The following KLHDC4 variants were observed in gnomAD, a reference collection of about 807,000 sequenced individuals.
KLHDC4 encodes the protein kelch domain containing 4, also known as kelch domain-containing protein 4.
KLHDC4 carries 90 observed loss-of-function variants against 62.4 expected under a neutral mutation model. That is an observed-to-expected ratio of 1.44 (90% CI 1.22 to 1.72). KLHDC4 has a LOEUF of 1.72. Ranked by LOEUF, KLHDC4 falls within the 40% of genes most tolerant of loss-of-function variation. KLHDC4 has a pLI of 0.00. For synonymous variants in KLHDC4, 386 were observed against 284.4 expected, an observed-to-expected ratio of 1.36 and a Z score of -3.59; for missense variants, 1,025 against 699.7, an observed-to-expected ratio of 1.47 and a Z score of -5.25.
In KLHDC4 at chr16:87,722,512, G is replaced by C. The variant is rs577689719; in HGVS notation, c.759+4253C>G. ...TGCCATGCAGAACCACGGTCAGAAT[G>C]CCTTCATCTGATCAAACACTGTCAA... On this transcript the variant is annotated intron_variant, in intron 7 of 11. Transcript: ENST00000270583. Among the ~76,000 whole-genome samples the C allele has an allele frequency of 3.5e-4, 54 of 152,362 alleles. 1 individual carries two copies. The highest frequency in any genetic ancestry group is 2.7e-3 in the Admixed American group (41 of 15,310).
rs1192833892 is a variant in KLHDC4, at chr16:87,711,406, G to C, written c.873C>G (p.Val291=). ...WVWTRMNPSG[V]KPTPRSGFSV... ...AAAAGCCAGACCGTGGGGTGGGCTT[G>C]ACCCCCGAAGGGTTCATCCGAGTCC... The change falls in exon 9 of 12, where the codon GTC becomes GTG. Residue 291 remains valine (V), a synonymous_variant. Coordinates refer to ENST00000270583, the MANE Select transcript of KLHDC4 (RefSeq NM_017566.4). 2.5e-6 allele frequency: 4 copies of C among 1,613,156 alleles called. No homozygotes were observed. Among genetic ancestry groups the C allele is most frequent in the Admixed American group, 1.7e-5 (1 of 60,022 alleles).
At chr16:87,753,136 G>C (rs567732873) in intron 4 of KLHDC4, among the ~76,000 whole-genome samples, 1 of 152,232 alleles carries the variant, frequency 6.6e-6, no homozygotes, top group African/African-American at 2.4e-5. Flanking sequence ...AAAAGTGGCA[G>C]GGCAGAGCAC....
intron 5 of KLHDC4, among the ~76,000 whole-genome samples, chr16:87,737,918 A>AC (rs966868109): frequency 6.6e-6 from 1 of 152,008 alleles, no homozygotes; most frequent in African/African-American, 2.4e-5. Context: ...TGTGGGTCCC[A>AC]CCTCCGTCCT....
intron 2 of KLHDC4, among the ~76,000 whole-genome samples, chr16:87,761,619 C>T (rs1252675208): frequency 6.6e-6 from 1 of 152,222 alleles, no homozygotes; most frequent in Middle Eastern, 3.2e-3. Context: ...TTTCTGCCTA[C>T]AGTACGCACT....
chr16:87,733,874 A>C (rs1265694136), intron 5 of KLHDC4, among the ~76,000 whole-genome samples: 1 of 152,158 alleles, frequency 6.6e-6, no homozygotes, highest in African/African-American at 2.4e-5. Flanking sequence ...CCACCTCTCC[A>C]CACAGGTCAC....
At chr16:87,701,902 G>A (rs1208887778) in exon 14 of KLHDC4, 1 of 456,262 alleles carries the variant, frequency 2.2e-6, no homozygotes, top group East Asian at 6.9e-5. Context: ...ATGGGGCTCT[G>A]CTGTGCACGT....
At chr16:87,712,269 A>G (rs537185866) in intron 8 of KLHDC4, among the ~76,000 whole-genome samples, 4 of 151,704 alleles carry the variant, frequency 2.6e-5, no homozygotes, top group African/African-American at 9.7e-5. Flanking sequence ...TTTTCCTCCA[A>G]TGAACATTTA....
At chr16:87,707,697 G>T, downstream of KLHDC4, 1 of 219,284 alleles carries the variant, frequency 4.6e-6, no homozygotes, top group South Asian at 5.9e-5. Flanking sequence ...CGTGTCCAAG[G>T]TTCCACCCTC....
intron 7 of KLHDC4, among the ~76,000 whole-genome samples, chr16:87,725,613 C>G (rs979107866): frequency 6.6e-6 from 1 of 152,186 alleles, no homozygotes; most frequent in African/African-American, 2.4e-5. Flanking sequence ...TCATACCTCT[C>G]AGATTCACAG....
At chr16:87,731,748 G>A (rs1360158792) in intron 5 of KLHDC4, among the ~76,000 whole-genome samples, 5 of 152,244 alleles carry the variant, frequency 3.3e-5, no homozygotes, top group African/African-American at 1.2e-4. Context: ...CACACAGACG[G>A]ACATGCACAA....
intron 5 of KLHDC4, among the ~76,000 whole-genome samples, chr16:87,746,672 C>T (rs925842383): frequency 6.6e-6 from 1 of 152,156 alleles, no homozygotes; most frequent in African/African-American, 2.4e-5. Context: ...CAGATGCCTC[C>T]ACAAAGGGTG....
chr16:87,701,982 C>A (rs2034165546), exon 1 of KLHDC4: 1 of 456,208 alleles, frequency 2.2e-6, no homozygotes, highest in Non-Finnish European at 4.4e-6. Flanking sequence ...CTTCCTGGGC[C>A]TGCAACAAAG....
chr16:87,734,893 G>A (rs1290963387), intron 5 of KLHDC4, among the ~76,000 whole-genome samples: 4 of 151,822 alleles, frequency 2.6e-5, no homozygotes, highest in East Asian at 1.9e-4. Flanking sequence ...CCACACATGC[G>A]GAGCAAGAAA....
intron 9 of KLHDC4, chr16:87,710,912 T>G: frequency 3.3e-6 from 1 of 303,978 alleles, no homozygotes. Flanking sequence ...TCAAGGGTCA[T>G]AACACAGGCT....
chr16:87,747,051 C>T (rs1017387177), intron 5 of KLHDC4, among the ~76,000 whole-genome samples: 2 of 152,206 alleles, frequency 1.3e-5, no homozygotes, highest in African/African-American at 4.8e-5. Context: ...CCCAAAGTGA[C>T]CAGGTACCCA....
chr16:87,752,166 G>C (rs1227343670), intron 4 of KLHDC4, among the ~76,000 whole-genome samples: 1 of 148,926 alleles, frequency 6.7e-6, no homozygotes, highest in African/African-American at 2.5e-5. Flanking sequence ...CAGCTCTCAG[G>C]GAAGCAGAGG....
intron 4 of KLHDC4, among the ~76,000 whole-genome samples, chr16:87,749,805 G>A (rs2043634347): frequency 6.6e-6 from 1 of 152,066 alleles, no homozygotes; most frequent in Admixed American, 6.6e-5. Flanking sequence ...CAAACTCCTG[G>A]CTTTAGTCAA....
chr16:87,725,195 C>A (rs922276797), intron 7 of KLHDC4, among the ~76,000 whole-genome samples: 2 of 152,082 alleles, frequency 1.3e-5, no homozygotes, highest in Non-Finnish European at 2.9e-5. Context: ...GCAGCGGGGC[C>A]GAGTGGGAAG....
exon 1 of KLHDC4, chr16:87,698,770 T>TA (rs2034010855): frequency 6.6e-6 from 1 of 152,276 alleles, no homozygotes; most frequent in Admixed American, 6.5e-5. Flanking sequence ...AGCCTCGGCC[T>TA]TCCCTGACAG....
Sources: gnomAD v4.1 joint callset for allele counts (sites outside exome capture counted in the v4.1 genomes callset) on GRCh38, gnomAD v4.1.1 for gene constraint, MANE v1.5 for transcripts, NCBI Gene and HGNC (gene_info 2026-07-23, HGNC 2026-07-21) for gene names.